Variants in SNTG1 observed in about 807,000 individuals in gnomAD.
The protein encoded by SNTG1 is gamma-1-syntrophin.
SNTG1 carries 39 observed loss-of-function variants against 74.7 expected under a neutral mutation model. The observed-to-expected ratio is 0.52, with a 90% CI of 0.40 to 0.68. The LOEUF (loss-of-function observed/expected upper bound fraction) is 0.68. SNTG1 is among the 30% of genes least tolerant of loss of function. The probability of loss-of-function intolerance (pLI) is 0.00; values close to 1 mark genes in which losing one functional copy is unlikely to be tolerated. For synonymous variants in SNTG1, 254 were observed against 217.1 expected (o/e 1.17, Z -1.49); for missense variants, 685 against 609.5 (o/e 1.12, Z -1.30).
At chr8:50,543,824 G>A (rs951878314) in intron 11 of SNTG1, among the ~76,000 whole-genome samples, 3 of 152,080 alleles carry the variant, frequency 2.0e-5, no homozygotes, top group East Asian at 3.9e-4. Flanking sequence ...AGGAATGACT[G>A]TTTCTCCACA....
At chr8:50,647,469 C>T (rs1467101255) in intron 13 of SNTG1, among the ~76,000 whole-genome samples, 1 of 151,832 alleles carries the variant, frequency 6.6e-6, no homozygotes, top group Non-Finnish European at 1.5e-5. Context: ...TGTATACACA[C>T]ACACACATAC....
In SNTG1 at chr8:50,558,369, G is replaced by A. The variant is rs533806724; in HGVS notation, c.810+5190G>A. Among the ~76,000 whole-genome samples, 253 of 152,242 alleles carry A rather than the reference G, an allele frequency of 1.7e-3. 2 individuals are homozygous for A. The highest frequency in any genetic ancestry group is 5.2e-3 in the African/African-American group (216 of 41,552). On this transcript the variant is annotated intron_variant, in intron 12 of 18. Coordinates refer to ENST00000642720, the MANE Select transcript of SNTG1 (RefSeq NM_018967.5). ...CCCAGGTCTCTGATCAGCAAGACAT[G>A]CTCTCTCAGAGTTTTTGTTTGTTGT...
At chr8:50,444,815 T>G (rs1044811089) in intron 5 of SNTG1, among the ~76,000 whole-genome samples, 8 of 151,734 alleles carry the variant, frequency 5.3e-5, no homozygotes, top group Non-Finnish European at 1.0e-4. Flanking sequence ...GGGTTATGGA[T>G]TAGTCCCAAA....
chr8:49,979,836 G>A (rs1328441178), intron 1 of SNTG1, among the ~76,000 whole-genome samples: 6 of 152,224 alleles, frequency 3.9e-5, no homozygotes, highest in Admixed American at 6.5e-5. Context: ...GCGTGCGTGT[G>A]TGTGCAGGGA....
chr8:50,407,475 A>G (rs2092893174), intron 4 of SNTG1, among the ~76,000 whole-genome samples: 1 of 152,168 alleles, frequency 6.6e-6, no homozygotes, highest in Non-Finnish European at 1.5e-5. Flanking sequence ...CTGCTGAAAA[A>G]TCCTGAGGAT....
At chr8:50,781,054 C>G (rs1365415090) in intron 18 of SNTG1, among the ~76,000 whole-genome samples, 1 of 152,196 alleles carries the variant, frequency 6.6e-6, no homozygotes, top group Non-Finnish European at 1.5e-5. Flanking sequence ...TTTGATTGCA[C>G]TGTGGTCTGA....
intron 2 of SNTG1, among the ~76,000 whole-genome samples, chr8:50,255,778 C>G (rs1325200792): frequency 6.6e-6 from 1 of 152,144 alleles, no homozygotes; most frequent in Non-Finnish European, 1.5e-5. Context: ...CTGCACTGAT[C>G]CTATTTCCCC....
chr8:50,635,898 C>T (rs1314172199), intron 13 of SNTG1, among the ~76,000 whole-genome samples: 1 of 151,968 alleles, frequency 6.6e-6, no homozygotes, highest in African/African-American at 2.4e-5. Flanking sequence ...CTTGGTATCA[C>T]CTGAAGCCAG....
intron 1 of SNTG1, among the ~76,000 whole-genome samples, chr8:50,137,498 A>G (rs1274501243): frequency 6.6e-6 from 1 of 152,220 alleles, no homozygotes; most frequent in African/African-American, 2.4e-5. Context: ...TGAAGAGTTT[A>G]TCTTTCAGTG....
At chr8:50,545,313 C>T (rs936625109) in intron 11 of SNTG1, among the ~76,000 whole-genome samples, 2 of 151,252 alleles carry the variant, frequency 1.3e-5, no homozygotes, top group Admixed American at 6.6e-5. Flanking sequence ...TAAATATCTG[C>T]TTTAAATTTT....
intron 17 of SNTG1, among the ~76,000 whole-genome samples, chr8:50,732,451 A>G (rs2095515221): frequency 1.3e-5 from 2 of 151,898 alleles, no homozygotes; most frequent in African/African-American, 4.8e-5. Flanking sequence ...GTTTCCCCTA[A>G]CATTATATTA....
At chr8:50,495,368 T>A (rs960965106) in intron 8 of SNTG1, among the ~76,000 whole-genome samples, 1 of 152,130 alleles carries the variant, frequency 6.6e-6, no homozygotes, top group African/African-American at 2.4e-5. Context: ...TCCCCATCCC[T>A]AATGTGATGT....
chr8:50,317,896 G>C (rs13257025), intron 2 of SNTG1, among the ~76,000 whole-genome samples: 71,485 of 151,366 alleles, frequency 0.47, 19,209 homozygotes, highest in East Asian at 0.83. Context: ...GAGTGCAGTG[G>C]CGCAATCTCT....
chr8:50,126,930 C>T (rs1204337648), intron 1 of SNTG1, among the ~76,000 whole-genome samples: 1 of 152,086 alleles, frequency 6.6e-6, no homozygotes, highest in African/African-American at 2.4e-5. Context: ...TCCTCAGGAG[C>T]ATACAATCTT....
At chr8:50,668,053 G>A (rs146846467) in intron 15 of SNTG1, among the ~76,000 whole-genome samples, 2 of 152,110 alleles carry the variant, frequency 1.3e-5, no homozygotes, top group African/African-American at 4.8e-5. Context: ...GAACATGCCA[G>A]AGAGAACACA....
At chr8:50,231,093 T>A (rs1404538317) in intron 2 of SNTG1, among the ~76,000 whole-genome samples, 1 of 151,178 alleles carries the variant, frequency 6.6e-6, no homozygotes, top group Non-Finnish European at 1.5e-5. Context: ...GAAACTGAAT[T>A]TCTCCAAAGA....
Position 50,484,199 on chromosome 8 carries a change from TCC to T in SNTG1, c.364-18578_364-18577del, listed in dbSNP as rs1171401281. Among the ~76,000 whole-genome samples the T allele has an allele frequency of 6.8e-3, 893 of 130,564 alleles. 31 individuals carry two copies. Among genetic ancestry groups the T allele is most frequent in the African/African-American group, 0.012 (393 of 33,938 alleles). The allele number at this position is 130,564 out of a possible 152,430, so 85.7% of individuals were successfully genotyped here. A position where few individuals can be genotyped will look rare whatever the true frequency, so the allele number is the denominator to read the frequency against. ...TTCCTTCCTTCCTTCCTTCCTTCCT[TCC>T]TTCCTTCCTTCCTTCTTTCTTTCTT... On this transcript the variant is annotated intron_variant, in intron 8 of 18. Coordinates refer to ENST00000642720, the MANE Select transcript of SNTG1 (RefSeq NM_018967.5).
At chr8:50,355,195 A>G (rs1309102775) in intron 2 of SNTG1, among the ~76,000 whole-genome samples, 9 of 152,210 alleles carry the variant, frequency 5.9e-5, no homozygotes, top group Admixed American at 3.9e-4. Flanking sequence ...AAAGCAACTG[A>G]GAAAAAATTA....
At chr8:49,992,435 A>AT (rs913106288) in intron 1 of SNTG1, among the ~76,000 whole-genome samples, 4 of 152,054 alleles carry the variant, frequency 2.6e-5, no homozygotes, top group Admixed American at 1.3e-4. Flanking sequence ...TTTGGGGAAA[A>AT]TTTTTTATTT....
Sources: allele counts gnomAD v4.1 joint callset (sites outside exome capture counted in the v4.1 genomes callset), GRCh38; gene constraint gnomAD v4.1.1; transcripts MANE v1.5; gene names NCBI Gene and HGNC (gene_info 2026-07-23, HGNC 2026-07-21).